Variants in DYNC1I1 observed in about 807,000 individuals in gnomAD.
DYNC1I1 encodes the protein dynein cytoplasmic 1 intermediate chain 1.
A neutral mutation model predicts 86.6 loss-of-function variants in DYNC1I1; 43 were observed. The observed-to-expected ratio is 0.50, with a 90% CI of 0.39 to 0.64. DYNC1I1 has a LOEUF of 0.64. Ranked by LOEUF, DYNC1I1 falls within the 30% of genes least tolerant of loss-of-function variation. The pLI is 0.00. For synonymous variants in DYNC1I1, 262 were observed against 283.7 expected, an observed-to-expected ratio of 0.92 and a Z score of 0.77; for missense variants, 604 against 788.8, an observed-to-expected ratio of 0.77 and a Z score of 2.81.
intron 9 of DYNC1I1, among the ~76,000 whole-genome samples, chr7:95,992,912 C>A (rs145340326): frequency 1.3e-5 from 2 of 152,036 alleles, no homozygotes; most frequent in Non-Finnish European, 2.9e-5. Context: ...TCAGCCACTG[C>A]GCCCCAACTA....
intron 10 of DYNC1I1, among the ~76,000 whole-genome samples, chr7:96,006,024 G>C (rs141391854): frequency 0.015 from 2,351 of 152,256 alleles, 82 homozygotes; most frequent in African/African-American, 0.053. Context: ...AGAAAACAAG[G>C]GGGGAGCAGG....
rs1793857939 is a variant in DYNC1I1, at chr7:95,995,991, C to T, written c.887C>T (p.Ala296Val). 3.1e-6 allele frequency: 5 copies of T among 1,611,086 alleles called. No individual in the cohort carries two copies. The East Asian group carries it at 8.9e-5, about 29-fold the overall frequency. ...MVASYNNNED[A>V]PHEPDGVALV... ...GCTTCTTACAACAACAATGAAGATG[C>T]TCCCCATGAACCAGATGGAGTGGCC... Residue 296 changes from alanine to valine, a missense_variant, in exon 10 of 17, where the codon GCT becomes GTT. By Grantham distance (64) the Ala-to-Val change is moderately conservative. Transcript: ENST00000447467.
intron 6 of DYNC1I1, among the ~76,000 whole-genome samples, chr7:95,905,150 G>A (rs983778170): frequency 3.3e-5 from 5 of 152,108 alleles, no homozygotes; most frequent in Admixed American, 3.3e-4. Context: ...TTTACCTGTT[G>A]GAATGCCAAT....
At chr7:95,773,095 C>T (rs1793747854) in intron 1 of DYNC1I1, among the ~76,000 whole-genome samples, 1 of 152,204 alleles carries the variant, frequency 6.6e-6, no homozygotes, top group Admixed American at 6.5e-5. Context: ...CTCGGTCTTC[C>T]CCGGGGGAGC....
chr7:95,889,255 C>A, intron 6 of DYNC1I1, among the ~76,000 whole-genome samples: 1 of 152,098 alleles, frequency 6.6e-6, no homozygotes, highest in Admixed American at 6.5e-5. Flanking sequence ...TTTCAAAATA[C>A]AAAAATTAGA....
intron 10 of DYNC1I1, among the ~76,000 whole-genome samples, chr7:96,018,897 GAATT>G (rs1457036215): frequency 1.3e-5 from 2 of 152,146 alleles, no homozygotes; most frequent in Non-Finnish European, 2.9e-5. Context: ...CATGCTCCAT[GAATT>G]AATTGTTTCA....
chr7:95,907,680 T>TACCAGGA (rs1791211120), intron 6 of DYNC1I1, among the ~76,000 whole-genome samples: 1 of 152,102 alleles, frequency 6.6e-6, no homozygotes, highest in Non-Finnish European at 1.5e-5. Context: ...GTCCTCATTC[T>TACCAGGA]CTGCCTTTTA....
At position 96,053,486 on chromosome 7, in the gene DYNC1I1, C is replaced by G. The variant is rs141291942; in HGVS notation, c.1509+14065C>G. Among the ~76,000 whole-genome samples the G allele has an allele frequency of 2.3e-3, 353 of 152,178 alleles. 2 individuals carry two copies. The highest frequency in any genetic ancestry group is 8.2e-3 in the African/African-American group (340 of 41,514). The stretch of plus-strand genomic sequence containing the variant: ...CCAAATATATATTCCCTTCCTCATC[C>G]TTCTTGGTTCCAACAAACTCCTGTC... On this transcript the variant is annotated intron_variant, in intron 14 of 16. Transcript: ENST00000447467.
chr7:95,803,667 C>T (rs1396983406), intron 1 of DYNC1I1, among the ~76,000 whole-genome samples: 1 of 152,172 alleles, frequency 6.6e-6, no homozygotes, highest in Non-Finnish European at 1.5e-5. Context: ...CTGTCATCTA[C>T]TTCAAGATAC....
At chr7:95,944,968 A>G (rs1792356025) in intron 6 of DYNC1I1, among the ~76,000 whole-genome samples, 1 of 152,002 alleles carries the variant, frequency 6.6e-6, no homozygotes, top group South Asian at 2.1e-4. Flanking sequence ...GCACATGTAT[A>G]CATATGTAAC....
intron 6 of DYNC1I1, among the ~76,000 whole-genome samples, chr7:95,971,994 G>C (rs1249805711): frequency 6.6e-6 from 1 of 152,128 alleles, no homozygotes; most frequent in Non-Finnish European, 1.5e-5. Flanking sequence ...AAGGGCTCTG[G>C]CAGGAGCTCA....
At chr7:96,017,309 A>G (rs1794427393) in intron 10 of DYNC1I1, among the ~76,000 whole-genome samples, 1 of 152,154 alleles carries the variant, frequency 6.6e-6, no homozygotes, top group Non-Finnish European at 1.5e-5. Flanking sequence ...GTTATTTTTT[A>G]TCTCTATAAA....
intron 1 of DYNC1I1, among the ~76,000 whole-genome samples, chr7:95,795,657 G>A (rs901028961): frequency 2.6e-5 from 4 of 152,098 alleles, no homozygotes; most frequent in African/African-American, 7.2e-5. Flanking sequence ...AATACCAGAT[G>A]TTCTTACTTG....
intron 14 of DYNC1I1, among the ~76,000 whole-genome samples, chr7:96,050,700 C>CT (rs1452710186): frequency 6.6e-6 from 1 of 152,144 alleles, no homozygotes; most frequent in African/African-American, 2.4e-5. Context: ...ACTAGACCTG[C>CT]TTCTTCAAAA....
chr7:95,784,047 G>A (rs1180263471), intron 1 of DYNC1I1, among the ~76,000 whole-genome samples: 1 of 152,106 alleles, frequency 6.6e-6, no homozygotes, highest in Non-Finnish European at 1.5e-5. Context: ...TTGTGTGTCT[G>A]GGCCCCAAAT....
chr7:95,775,114 T>C (rs558840802), intron 1 of DYNC1I1, among the ~76,000 whole-genome samples: 60 of 152,362 alleles, frequency 3.9e-4, no homozygotes, highest in African/African-American at 1.3e-3. Context: ...GAGGCAGATA[T>C]TGTTTGTAAT....
chr7:95,913,386 C>G (rs1791388234), intron 6 of DYNC1I1, among the ~76,000 whole-genome samples: 1 of 152,034 alleles, frequency 6.6e-6, no homozygotes, highest in Non-Finnish European at 1.5e-5. Flanking sequence ...CCACCCAGAT[C>G]TCACTGTGAA....
intron 14 of DYNC1I1, among the ~76,000 whole-genome samples, chr7:96,049,892 G>A (rs529828680): frequency 2.6e-5 from 4 of 151,914 alleles, no homozygotes; most frequent in Admixed American, 2.6e-4. Context: ...AATTAGCCAC[G>A]CATGATGGCT....
At chr7:95,887,871 T>C (rs1461631954) in intron 6 of DYNC1I1, among the ~76,000 whole-genome samples, 1 of 152,188 alleles carries the variant, frequency 6.6e-6, no homozygotes. Flanking sequence ...TCCGTAGCTT[T>C]AATCAGACTC....
Sources: allele counts gnomAD v4.1 joint callset (sites outside exome capture counted in the v4.1 genomes callset), GRCh38; gene constraint gnomAD v4.1.1; transcripts MANE v1.5; gene names NCBI Gene and HGNC (gene_info 2026-07-23, HGNC 2026-07-21).